Variants in RASA2 observed in about 807,000 individuals in gnomAD.
RASA2 encodes the protein ras GTPase-activating protein 2.
RASA2 carries 155 observed loss-of-function variants against 118.2 expected under a neutral mutation model. That is an observed-to-expected ratio of 1.31 (90% CI 1.15 to 1.50). RASA2 has a LOEUF of 1.50. Among genes scored for constraint, RASA2 ranks in the 40% most tolerant of loss-of-function variants. The probability of loss-of-function intolerance (pLI) is 0.00; values close to 1 mark genes in which losing one functional copy is unlikely to be tolerated. For synonymous variants in RASA2, 353 were observed against 349.1 expected (o/e 1.01, Z -0.12); for missense variants, 1,016 against 1,009.6 (o/e 1.01, Z -0.09).
intron 1 of RASA2, among the ~76,000 whole-genome samples, chr3:141,490,223 A>G (rs2151065482): frequency 6.6e-6 from 1 of 151,298 alleles, no homozygotes; most frequent in East Asian, 1.9e-4. Context: ...TGAACCCTTG[A>G]TAAAGGAAAT....
At chr3:141,601,986 T>C (rs1039001026) in intron 19 of RASA2, among the ~76,000 whole-genome samples, 2 of 152,254 alleles carry the variant, frequency 1.3e-5, no homozygotes, top group African/African-American at 2.4e-5. Context: ...CTTTGTACTT[T>C]AGATTTTTCT....
At chr3:141,487,670 C>G (rs940173598) in intron 1 of RASA2, among the ~76,000 whole-genome samples, 44 of 151,402 alleles carry the variant, frequency 2.9e-4, no homozygotes, top group East Asian at 1.4e-3. Flanking sequence ...AGGCGCGGCC[C>G]GAGGAGGTGG....
intron 5 of RASA2, among the ~76,000 whole-genome samples, chr3:141,544,923 A>G (rs2082461864): frequency 6.6e-6 from 1 of 152,204 alleles, no homozygotes; most frequent in South Asian, 2.1e-4. Context: ...GCTCACTTAT[A>G]GTGGGAGCTA....
intron 5 of RASA2, among the ~76,000 whole-genome samples, chr3:141,543,834 C>T (rs2082440360): frequency 6.7e-6 from 1 of 150,238 alleles, no homozygotes; most frequent in Non-Finnish European, 1.5e-5. Context: ...TTGTTCTTTG[C>T]CTTTAGATTT....
intron 1 of RASA2, among the ~76,000 whole-genome samples, chr3:141,489,261 A>G (rs1219597713): frequency 6.6e-6 from 1 of 152,242 alleles, no homozygotes; most frequent in East Asian, 1.9e-4. Context: ...ACTTATATAC[A>G]GAAGCTCTCT....
chr3:141,609,786 T>C, intron 22 of RASA2, 91 bp from the exon 23 acceptor site: 1 of 1,234,610 alleles, frequency 8.1e-7, no homozygotes. Context: ...CCCCTCAGCA[T>C]AAGACACTTG....
At chr3:141,551,410 A>G (rs1440158478) in intron 5 of RASA2, among the ~76,000 whole-genome samples, 1 of 152,130 alleles carries the variant, frequency 6.6e-6, no homozygotes, top group African/African-American at 2.4e-5. Context: ...TTCTTTTCAA[A>G]TGGTTCTTTC....
chr3:141,563,970 CTTTTT>C, intron 9 of RASA2, among the ~76,000 whole-genome samples: 1 of 126,880 alleles, frequency 7.9e-6, no homozygotes, highest in Non-Finnish European at 1.7e-5. Context: ...GTTGTGAAGT[CTTTTT>C]TTTTTTTTTT....
chr3:141,558,528 A>G (rs962043398), intron 7 of RASA2, among the ~76,000 whole-genome samples: 1 of 152,140 alleles, frequency 6.6e-6, no homozygotes, highest in Non-Finnish European at 1.5e-5. Context: ...AGCCAAGATT[A>G]TAAGGAGTTA....
At chr3:141,492,958 T>C (rs553463072) in intron 1 of RASA2, among the ~76,000 whole-genome samples, 1 of 152,284 alleles carries the variant, frequency 6.6e-6, no homozygotes, top group African/African-American at 2.4e-5. Context: ...CAATAGCTGT[T>C]TTTAGACATC....
At chr3:141,588,866 GA>G (rs1310360793) in intron 19 of RASA2, among the ~76,000 whole-genome samples, 6 of 150,850 alleles carry the variant, frequency 4.0e-5, no homozygotes, top group African/African-American at 1.5e-4. Flanking sequence ...TTTTGAGATG[GA>G]TTCTCACTCT....
chr3:141,559,910 A>G lies in RASA2; in HGVS notation c.778A>G (p.Asn260Asp), dbSNP rs1038067896. The change falls in exon 9 of 24, where the codon AAT becomes GAT. Residue 260 changes from asparagine (N) to aspartate (D), a missense_variant. Transcript: ENST00000286364. ...KLEIRIDLWN[N>D]GNLVQDVFLG... Reference sequence around the variant, plus strand: ...AATTTTCAGGATCGACTTGTGGAACAATGGAAACCTAGTCCAAGATGTTTT... The same window carrying G: ...AATTTTCAGGATCGACTTGTGGAACGATGGAAACCTAGTCCAAGATGTTTT... 2 of 1,613,172 alleles carry G rather than the reference A, an allele frequency of 1.2e-6. No homozygotes were observed. Among genetic ancestry groups the G allele is most frequent in the Non-Finnish European group, 8.5e-7 (1 of 1,179,332 alleles).
chr3:141,586,649 G>A lies in RASA2; in HGVS notation c.1830G>A (p.Glu610=). Residue 610 remains glutamate (E), a synonymous_variant, in exon 19 of 24, where the codon GAG becomes GAA. Coordinates refer to ENST00000286364, the MANE Select transcript of RASA2 (RefSeq NM_006506.5). ...TSEPVHLKEG[E]MYKRAQGRTR... is the part of the protein sequence containing the mutation. Reference sequence around the variant, plus strand: ...TTTACATCTGTTATGTTGGCAGTGAGATGTATAAAAGAGCTCAAGGAAGAA... The same window carrying A: ...TTTACATCTGTTATGTTGGCAGTGAAATGTATAAAAGAGCTCAAGGAAGAA... 1.3e-6 allele frequency: 2 copies of A among 1,598,256 alleles called. No homozygotes were observed. The highest frequency in any genetic ancestry group is 1.7e-6 in the Non-Finnish European group (2 of 1,166,990).
At position 141,590,493 on chromosome 3, in the gene RASA2, C is replaced by T. The variant is rs184499576; in HGVS notation, c.1933+3741C>T. 1.8e-4 allele frequency among the ~76,000 whole-genome samples: 27 copies of T among 152,262 alleles called. No homozygotes were observed. The South Asian group carries it at 5.4e-3, about 30-fold the overall frequency. On this transcript the variant is annotated intron_variant, in intron 19 of 23. Transcript: ENST00000286364. ...AAGTGCTATGTTTGTTTAAATTATG[C>T]CTAAGATTAAAAGGCTTTGAATGAA...
chr3:141,492,168 C>A (rs911200665), intron 1 of RASA2, among the ~76,000 whole-genome samples: 2 of 151,588 alleles, frequency 1.3e-5, no homozygotes, highest in African/African-American at 4.8e-5. Flanking sequence ...TTTTTTAAAA[C>A]TTAGAACTCT....
intron 2 of RASA2, among the ~76,000 whole-genome samples, 156 bp from the exon 3 acceptor site, chr3:141,516,172 C>T (rs1308669122): frequency 6.6e-6 from 1 of 151,048 alleles, no homozygotes; most frequent in African/African-American, 2.4e-5. Context: ...GCACGTTGTG[C>T]ACATGTACCC....
At position 141,571,538 on chromosome 3, in the gene RASA2, G is replaced by C; in HGVS notation, c.1153G>C (p.Asp385His). 6.2e-7 allele frequency: 1 copy of C among 1,611,094 alleles called. No individual in the cohort carries two copies. Among genetic ancestry groups the C allele is most frequent in the East Asian group, 2.2e-5 (1 of 44,818 alleles). ...VPFATAVAEL[D>H]LKDTQDANTI... ...TTTTGCCACTGCTGTGGCTGAATTA[G>C]ACTTGAAGGATACACAGTAAGAGTT... is the stretch of plus-strand genomic sequence containing the variant. Residue 385 changes from aspartate (D) to histidine (H), a missense_variant, in exon 11 of 24, where the codon GAC (aspartate) becomes CAC (histidine). Coordinates refer to ENST00000286364, the MANE Select transcript of RASA2 (RefSeq NM_006506.5).
At chr3:141,572,076 ACAT>A (rs1271319271) in intron 11 of RASA2, among the ~76,000 whole-genome samples, 9 of 147,782 alleles carry the variant, frequency 6.1e-5, no homozygotes, top group Non-Finnish European at 1.2e-4. Flanking sequence ...ACACACACAC[ACAT>A]ATGTATTGAG....
rs1161600523 is a variant in RASA2 at position 141,599,805 on chromosome 3, T to C, written c.1934-7873T>C. Among the ~76,000 whole-genome samples, 7 of 151,090 alleles carry C rather than the reference T, an allele frequency of 4.6e-5. 1 individual carries two copies. Among genetic ancestry groups the C allele is most frequent in the Admixed American group, 4.6e-4 (7 of 15,128 alleles). The stretch of plus-strand genomic sequence containing the variant: ...CTTCTGGATTCCTACTAAAAAGGAA[T>C]ACATTAAGAGCATGGAAAAATTGCT... On this transcript the variant is annotated intron_variant, in intron 19 of 23. Coordinates refer to ENST00000286364, the MANE Select transcript of RASA2 (RefSeq NM_006506.5).
Sources: allele counts gnomAD v4.1 joint callset (sites outside exome capture counted in the v4.1 genomes callset), GRCh38; gene constraint gnomAD v4.1.1; transcripts MANE v1.5; gene names NCBI Gene and HGNC (gene_info 2026-07-23, HGNC 2026-07-21).